CCN4: variants seen among roughly 807,000 people sequenced by gnomAD.
The protein encoded by CCN4 is cellular communication network factor 4, also known as CCN family member 4.
In CCN4, 30 loss-of-function variants were observed where a neutral mutation model predicts 36.7. The ratio of observed to expected loss-of-function variants is 0.82; its 90% confidence interval spans 0.61 to 1.11. CCN4 has a LOEUF of 1.11. Among genes scored for constraint, CCN4 ranks in the 50% least tolerant of loss-of-function variants. CCN4 has a pLI of 0.00. For synonymous variants in CCN4, 191 were observed against 195.4 expected, an observed-to-expected ratio of 0.98 and a Z score of 0.19; for missense variants, 505 against 504.9, an observed-to-expected ratio of 1.00 and a Z score of 0.00.
In CCN4 at chr8:133,227,969, T is replaced by C; in HGVS notation, c.*259T>C. 2.6e-6 allele frequency: 1 copy of C among 389,100 alleles called. No individual in the cohort carries two copies. Among genetic ancestry groups the C allele is most frequent in the Non-Finnish European group, 4.6e-6 (1 of 217,944 alleles). 24.1% of individuals were successfully genotyped at this position (389,100 alleles called of 1,614,324 possible). A position where few individuals can be genotyped will look rare whatever the true frequency, so the allele number is the denominator to read the frequency against. ...TGTTCTGGACTACACCCAAGCCTGA[T>C]CCAGCCTTTCCAAGTCACTAGAAGT... On this transcript the variant is annotated 3_prime_UTR_variant, in exon 5 of 5. Coordinates refer to ENST00000250160, the MANE Select transcript of CCN4 (RefSeq NM_003882.4).
chr8:133,206,378 C>G (rs554412430), intron 1 of CCN4, among the ~76,000 whole-genome samples: 1 of 152,174 alleles, frequency 6.6e-6, no homozygotes, highest in Non-Finnish European at 1.5e-5. Flanking sequence ...ACTCCGCAAG[C>G]GGATGTGCAA....
intron 3 of CCN4, among the ~76,000 whole-genome samples, chr8:133,221,797 A>G (rs981711004): frequency 3.9e-5 from 6 of 152,128 alleles, no homozygotes; most frequent in Non-Finnish European, 8.8e-5. Flanking sequence ...GGATGGATGG[A>G]TGAATTGATA....
chr8:133,215,637 T>A (rs1273091077), intron 2 of CCN4, among the ~76,000 whole-genome samples: 1 of 152,040 alleles, frequency 6.6e-6, no homozygotes, highest in Admixed American at 6.5e-5. Flanking sequence ...CCTCACCCCC[T>A]ATCTCTGCAT....
chr8:133,224,488 C>CT (rs1854655179), intron 3 of CCN4, among the ~76,000 whole-genome samples: 1 of 151,868 alleles, frequency 6.6e-6, no homozygotes, highest in South Asian at 2.1e-4. Context: ...GATCCACCTG[C>CT]TTTGGCCTCC....
intron 2 of CCN4, among the ~76,000 whole-genome samples, chr8:133,219,135 G>T (rs922337471): frequency 3.9e-5 from 6 of 152,158 alleles, no homozygotes; most frequent in African/African-American, 7.2e-5. Flanking sequence ...AGCACCATGA[G>T]TGTTCTTGCA....
chr8:133,216,752 C>T lies in CCN4; in HGVS notation c.349+3609C>T, dbSNP rs1275461744. ...GACAGACTTGAGTTTTAGATCCTGG[C>T]TCTGCCACTTGCTAGCTACGTGACC... On this transcript the variant is annotated intron_variant, in intron 2 of 4. Transcript: ENST00000250160. Among the ~76,000 whole-genome samples, 5 of 152,332 alleles carry T rather than the reference C, an allele frequency of 3.3e-5. No homozygotes were observed. In the East Asian group the frequency reaches 9.6e-4, roughly 29 times the overall value.
At chr8:133,195,107 C>T (rs1853326444) in intron 1 of CCN4, among the ~76,000 whole-genome samples, 1 of 128,012 alleles carries the variant, frequency 7.8e-6, no homozygotes, top group Non-Finnish European at 1.6e-5. Context: ...GTGCGTGGTG[C>T]TTGTGCATGG....
chr8:133,225,275 G>A, intron 3 of CCN4, 115 bp from the exon 4 acceptor site: 1 of 1,161,190 alleles, frequency 8.6e-7, no homozygotes, highest in Non-Finnish European at 1.2e-6. Context: ...GGGAGGTACA[G>A]CCAATTTCTG....
chr8:133,227,319 T>C, intron 4 of CCN4, 92 bp from the exon 5 acceptor site: 1 of 1,363,208 alleles, frequency 7.3e-7, no homozygotes, highest in Admixed American at 2.2e-5. Flanking sequence ...TGCTCCCACA[T>C]AGTGAGAAGG....
chr8:133,211,817 C>T (rs1306464169), intron 1 of CCN4, among the ~76,000 whole-genome samples: 1 of 152,228 alleles, frequency 6.6e-6, no homozygotes, highest in Non-Finnish European at 1.5e-5. Flanking sequence ...CTCCCGTCCC[C>T]GCTCCTGTGT....
chr8:133,218,152 C>T (rs1343167057), intron 2 of CCN4, among the ~76,000 whole-genome samples: 1 of 152,086 alleles, frequency 6.6e-6, no homozygotes, highest in Non-Finnish European at 1.5e-5. Flanking sequence ...TCAACAGTTT[C>T]GTGACCTTGA....
At chr8:133,212,499 AG>A (rs1207302288) in intron 1 of CCN4, among the ~76,000 whole-genome samples, 2 of 152,108 alleles carry the variant, frequency 1.3e-5, no homozygotes, top group African/African-American at 4.8e-5. Context: ...ACTCACAGCC[AG>A]CTTCCACCTG....
chr8:133,196,384 T>C (rs932078803), intron 1 of CCN4, among the ~76,000 whole-genome samples: 1 of 152,232 alleles, frequency 6.6e-6, no homozygotes, highest in African/African-American at 2.4e-5. Flanking sequence ...ATTTTTATAT[T>C]AACTCCATAT....
In CCN4 at chr8:133,191,062, G is replaced by T. The variant is rs527306428; in HGVS notation, c.-83G>T. The T allele has an allele frequency of 5.1e-5, 76 of 1,489,370 alleles. No homozygotes were observed. The highest frequency in any genetic ancestry group is 8.6e-5 in the Admixed American group (5 of 58,466). The allele number at this position is 1,489,370 out of a possible 1,614,324, so 92.3% of individuals were successfully genotyped here. A position where few individuals can be genotyped will look rare whatever the true frequency, so the allele number is the denominator to read the frequency against. On this transcript the variant is annotated 5_prime_UTR_variant, in exon 1 of 5. Transcript: ENST00000250160. Reference sequence around the variant, plus strand: ...GCATATCTGGTGCTCCTGATGGGCCGGCCAGTCTGGGCCCAGCTCCCCCGA... The same window carrying T: ...GCATATCTGGTGCTCCTGATGGGCCTGCCAGTCTGGGCCCAGCTCCCCCGA...
chr8:133,213,197 C>A, intron 2 of CCN4, 54 bp downstream of exon 2: 1 of 1,550,478 alleles, frequency 6.4e-7, no homozygotes, highest in Non-Finnish European at 8.8e-7. Context: ...CCAGCTCTGG[C>A]CCCAAACCCC....
intron 1 of CCN4, among the ~76,000 whole-genome samples, chr8:133,195,292 G>C (rs1347940349): frequency 6.7e-6 from 1 of 150,030 alleles, no homozygotes; most frequent in South Asian, 2.1e-4. Context: ...TGTGTGTTGA[G>C]TGTGTATGTG....
Position 133,212,913 on chromosome 8 carries a change from A to C in CCN4, c.119A>C (p.Glu40Ala). 6.2e-7 allele frequency: 1 copy of C among 1,610,796 alleles called. No individual in the cohort carries two copies. Among genetic ancestry groups the C allele is most frequent in the East Asian group, 2.2e-5 (1 of 44,658 alleles). ...ATGGACTTTACCCCAGCTCCACTGG[A>C]GGACACCTCCTCACGCCCCCAATTC... The part of the protein sequence containing the change: ...TTMDFTPAPL[E>A]DTSSRPQFCK... Residue 40 changes from glutamate to alanine, a missense_variant, in exon 2 of 5, where the codon GAG (glutamate) becomes GCG (alanine). Coordinates refer to ENST00000250160, the MANE Select transcript of CCN4 (RefSeq NM_003882.4).
At chr8:133,194,729 A>AGTGTGTGTGTG (rs1564248510) in intron 1 of CCN4, among the ~76,000 whole-genome samples, 1 of 20,308 alleles carries the variant, frequency 4.9e-5, no homozygotes, top group African/African-American at 2.6e-4. Context: ...GGATGTGTGT[A>AGTGTGTGTGTG]GTGTGTGTGT....
intron 2 of CCN4, among the ~76,000 whole-genome samples, chr8:133,217,147 G>T (rs1458563304): frequency 1.3e-5 from 2 of 152,222 alleles, no homozygotes; most frequent in African/African-American, 4.8e-5. Flanking sequence ...ATCTCTGGGT[G>T]GTTAGAATGT....
Sources: allele counts gnomAD v4.1 joint callset (sites outside exome capture counted in the v4.1 genomes callset), GRCh38; gene constraint gnomAD v4.1.1; transcripts MANE v1.5; gene names NCBI Gene and HGNC (gene_info 2026-07-23, HGNC 2026-07-21).